PTP4A1: variants seen among roughly 807,000 people sequenced by gnomAD.
PTP4A1 encodes the protein protein tyrosine phosphatase type IVA 1.
A neutral mutation model predicts 20.5 loss-of-function variants in PTP4A1; 9 were observed. The ratio of observed to expected loss-of-function variants is 0.44; its 90% CI spans 0.26 to 0.77. The LOEUF is 0.77. PTP4A1 is among the 30% of genes least tolerant of loss of function. The probability of loss-of-function intolerance (pLI) is 0.19; values close to 1 mark genes in which losing one functional copy is unlikely to be tolerated. For missense variants in PTP4A1, 137 were observed against 218.8 expected (o/e 0.63, Z 2.36); for synonymous variants, 78 against 67.4 (o/e 1.16, Z -0.77).
intron 2 of PTP4A1, among the ~76,000 whole-genome samples, chr6:63,537,232 G>A (rs866771730): frequency 2.0e-4 from 30 of 152,214 alleles, no homozygotes; most frequent in Middle Eastern, 6.8e-3. Context: ...GTGGTTCCTG[G>A]ACCAATAGCA....
In PTP4A1 at chr6:63,582,634, G is replaced by C. The variant is rs1778310654; in HGVS notation, c.*2460G>C. The stretch of plus-strand genomic sequence containing the variant: ...GGTTACTTGGGTTTGGATACCCTTA[G>C]TGGGATGATGTAAATAGAGGCTAGC... On this transcript the variant is annotated 3_prime_UTR_variant, in exon 6 of 6. Coordinates refer to ENST00000626021, the MANE Select transcript of PTP4A1 (RefSeq NM_003463.5). 6.6e-6 allele frequency: 1 copy of C among 152,278 alleles called. No homozygotes were observed. The highest frequency in any genetic ancestry group is 1.5e-5 in the Non-Finnish European group (1 of 68,040). 9.4% of individuals were successfully genotyped at this position (152,278 alleles called of 1,614,324 possible).
In PTP4A1 at chr6:63,572,585, GC is replaced by G; in HGVS notation, c.-579del. 2.4e-6 allele frequency: 1 copy of G among 416,082 alleles called. No homozygotes were observed. The highest frequency in any genetic ancestry group is 4.2e-6 in the Non-Finnish European group (1 of 240,416). 25.8% of individuals were successfully genotyped at this position (416,082 alleles called of 1,614,324 possible). On this transcript the variant is annotated 5_prime_UTR_variant, in exon 1 of 6. It introduces an in-frame stop codon into an upstream open reading frame of the 5' UTR. Transcript: ENST00000626021. The stretch of plus-strand genomic sequence containing the variant: ...GAGTCTGGTGCCCCCGCCGCCGCCT[GC>G]ATCGCCGCCACCGCCGCTCCGCCAC...
rs562178144 is a variant in PTP4A1, at chr6:63,536,236, A to T, written c.-640+8152A>T. On this transcript the variant is annotated intron_variant, in intron 2 of 3. Transcript: ENST00000639568. ...GTCCCAGCTACTCAGAGGCTGAGGCAGGAGAATCGCTCGAACCTGGGAGGC... is the reference window on the plus strand; with the variant it reads ...GTCCCAGCTACTCAGAGGCTGAGGCTGGAGAATCGCTCGAACCTGGGAGGC... 4.6e-5 allele frequency among the ~76,000 whole-genome samples: 7 copies of T among 152,288 alleles called. 1 individual carries two copies. Among genetic ancestry groups the T allele is most frequent in the African/African-American group, 1.7e-4 (7 of 41,596 alleles).
chr6:63,550,568 G>A (rs562096502), intron 3 of PTP4A1: 2 of 152,254 alleles, frequency 1.3e-5, no homozygotes, highest in East Asian at 3.9e-4. Flanking sequence ...GTGCATATGT[G>A]ATTAGGAGGT....
chr6:63,521,581 A>C (rs1774926793), upstream of PTP4A1, among the ~76,000 whole-genome samples: 1 of 152,232 alleles, frequency 6.6e-6, no homozygotes, highest in Admixed American at 6.5e-5. Flanking sequence ...AAAATTATGC[A>C]TTTCCTAAAG....
intron 1 of PTP4A1, among the ~76,000 whole-genome samples, chr6:63,526,734 G>GGCT (rs1261658714): frequency 6.7e-6 from 1 of 149,438 alleles, no homozygotes; most frequent in Non-Finnish European, 1.5e-5. Context: ...GGGAGGCAGA[G>GGCT]GCTGCAGTGA....
chr6:63,552,667 G>A (rs1247069737), intron 3 of PTP4A1, among the ~76,000 whole-genome samples: 1 of 152,176 alleles, frequency 6.6e-6, no homozygotes, highest in Non-Finnish European at 1.5e-5. Flanking sequence ...TATGGTTTTA[G>A]TTCTAACATT....
chr6:63,562,663 C>G (rs1161696071), intron 3 of PTP4A1, among the ~76,000 whole-genome samples: 1 of 152,162 alleles, frequency 6.6e-6, no homozygotes, highest in African/African-American at 2.4e-5. Flanking sequence ...TGGAAAACAA[C>G]AAGAGCACAA....
intron 3 of PTP4A1, among the ~76,000 whole-genome samples, chr6:63,560,445 G>A (rs1162201173): frequency 2.0e-5 from 3 of 149,794 alleles, no homozygotes; most frequent in Non-Finnish European, 3.0e-5. Context: ...TCTGTTGGGC[G>A]GGCTGGAAGG....
At chr6:63,534,819 T>TCTTTAGTAAAGAATTTCATAAAGAATTG (rs1335329146) in intron 2 of PTP4A1, among the ~76,000 whole-genome samples, 1 of 152,032 alleles carries the variant, frequency 6.6e-6, no homozygotes, top group Non-Finnish European at 1.5e-5. Flanking sequence ...ATAAAGAATT[T>TCTTTAGTAAAGAATTTCATAAAGAATTG]CTTTACTAAA....
chr6:63,579,584 T>C (rs1459773501), intron 5 of PTP4A1, among the ~76,000 whole-genome samples: 3 of 152,266 alleles, frequency 2.0e-5, no homozygotes, highest in Admixed American at 1.3e-4. Context: ...GGTTATTTTG[T>C]ATTTTTATTG....
At position 63,572,589 on chromosome 6, in the gene PTP4A1, C is replaced by T. The variant is rs955327684; in HGVS notation, c.-576C>T. The T allele has an allele frequency of 4.8e-6, 2 of 416,264 alleles. No individual in the cohort carries two copies. The highest frequency in any genetic ancestry group is 2.0e-5 in the African/African-American group (1 of 48,808). 25.8% of individuals were successfully genotyped at this position (416,264 alleles called of 1,614,324 possible). A position where few individuals can be genotyped will look rare whatever the true frequency, so the allele number is the denominator to read the frequency against. The stretch of plus-strand genomic sequence containing the variant: ...CTGGTGCCCCCGCCGCCGCCTGCAT[C>T]GCCGCCACCGCCGCTCCGCCACGAC... On this transcript the variant is annotated 5_prime_UTR_variant, in exon 1 of 6. Transcript: ENST00000626021.
intron 3 of PTP4A1, among the ~76,000 whole-genome samples, chr6:63,550,915 C>T (rs1253060148): frequency 6.6e-6 from 1 of 151,832 alleles, no homozygotes; most frequent in African/African-American, 2.4e-5. Flanking sequence ...GATGAGCCAC[C>T]GTGCCCAGCC....
chr6:63,562,117 T>C (rs749181310), intron 3 of PTP4A1, among the ~76,000 whole-genome samples: 1 of 146,182 alleles, frequency 6.8e-6, no homozygotes, highest in Non-Finnish European at 1.5e-5. Flanking sequence ...TTTTAGTTTA[T>C]TTCTTTCTAT....
At chr6:63,538,236 T>C (rs1357548041) in intron 2 of PTP4A1, among the ~76,000 whole-genome samples, 1 of 152,208 alleles carries the variant, frequency 6.6e-6, no homozygotes, top group Non-Finnish European at 1.5e-5. Context: ...CAAGTTCTGG[T>C]TGGAAGCTGG....
Position 63,580,908 on chromosome 6 carries a change from A to G in PTP4A1, c.*734A>G, listed in dbSNP as rs1469327261. 2.6e-5 allele frequency: 4 copies of G among 152,578 alleles called. No homozygotes were observed. The East Asian group carries it at 5.8e-4, about 22-fold the overall frequency. 9.5% of individuals were successfully genotyped at this position (152,578 alleles called of 1,614,324 possible). On this transcript the variant is annotated 3_prime_UTR_variant, in exon 6 of 6. Transcript: ENST00000626021. ...TTTAATGTTTGCACTCTGAGGTGCA[A>G]CTTAACAGGGAGGGCCTGAGAAAAG... is the stretch of plus-strand genomic sequence containing the variant.
chr6:63,576,861 T>G lies in PTP4A1; in HGVS notation c.-20T>G. The stretch of plus-strand genomic sequence containing the variant: ...TTAATTATTTCATAACCCTATTGAG[T>G]GTTTTTTAACTAAATTAACATGGCT... On this transcript the variant is annotated 5_prime_UTR_variant, in exon 2 of 6. Coordinates refer to ENST00000626021, the MANE Select transcript of PTP4A1 (RefSeq NM_003463.5). The G allele has an allele frequency of 6.3e-7, 1 of 1,588,026 alleles. No individual in the cohort carries two copies.
rs1324761914 is a variant in PTP4A1, at chr6:63,580,390, A to G, written c.*216A>G. ...TACTTGGCAAAAGATTCTTGCTGTC[A>G]GCATATAAAATGTGCTTGTCATTTG... is the stretch of plus-strand genomic sequence containing the variant. On this transcript the variant is annotated 3_prime_UTR_variant, in exon 6 of 6. Transcript: ENST00000626021. 2 of 485,596 alleles carry G rather than the reference A, an allele frequency of 4.1e-6. No individual in the cohort carries two copies. The highest frequency in any genetic ancestry group is 3.2e-5 in the East Asian group (1 of 31,304). The allele number at this position is 485,596 out of a possible 1,614,324, so 30.1% of individuals were successfully genotyped here. A position where few individuals can be genotyped will look rare whatever the true frequency, so the allele number is the denominator to read the frequency against.
intron 2 of PTP4A1, among the ~76,000 whole-genome samples, chr6:63,537,203 T>C (rs1451598776): frequency 6.6e-6 from 1 of 152,172 alleles, no homozygotes; most frequent in Non-Finnish European, 1.5e-5. Context: ...AGTAGAAGTA[T>C]TTCCTGGTCG....
Sources: allele counts gnomAD v4.1 joint callset (sites outside exome capture counted in the v4.1 genomes callset), GRCh38; gene constraint gnomAD v4.1.1; transcripts MANE v1.5; gene names NCBI Gene and HGNC (gene_info 2026-07-23, HGNC 2026-07-21).